Variants in LRMDA observed in about 807,000 individuals in gnomAD.
LRMDA encodes the protein leucine-rich melanocyte differentiation-associated protein.
In LRMDA, 18 loss-of-function variants were observed where a neutral mutation model predicts 29.8. That is an observed-to-expected ratio of 0.60 (90% CI 0.42 to 0.90). The LOEUF (loss-of-function observed/expected upper bound fraction) is 0.90, where lower values mean the gene tolerates loss of function less well. Among genes scored for constraint, LRMDA ranks in the 40% least tolerant of loss-of-function variants. The probability of loss-of-function intolerance (pLI) is 0.00; values close to 1 mark genes in which losing one functional copy is unlikely to be tolerated. For missense variants in LRMDA, 273 were observed against 273.9 expected (o/e 1.00, Z 0.02); for synonymous variants, 125 against 109.4 (o/e 1.14, Z -0.89).
intron 6 of LRMDA, among the ~76,000 whole-genome samples, chr10:76,547,463 G>T (rs1843434811): frequency 6.6e-6 from 1 of 152,102 alleles, no homozygotes. Context: ...GCACAGTGTG[G>T]CTATAATGGC....
intron 2 of LRMDA, among the ~76,000 whole-genome samples, chr10:75,940,623 C>T (rs1846373932): frequency 6.6e-6 from 1 of 152,108 alleles, no homozygotes; most frequent in East Asian, 1.9e-4. Context: ...ATCGCCACTC[C>T]TTGCCTGTGA....
At chr10:75,643,026 G>A (rs1317172500) in intron 2 of LRMDA, 1 of 152,120 alleles carries the variant, frequency 6.6e-6, no homozygotes, top group East Asian at 1.9e-4. Flanking sequence ...TAAGGGCTGG[G>A]ATTATCTGAA....
chr10:76,342,914 C>T (rs554228605), intron 6 of LRMDA, among the ~76,000 whole-genome samples: 3 of 150,360 alleles, frequency 2.0e-5, no homozygotes, highest in East Asian at 1.9e-4. Flanking sequence ...TTTTACCAAA[C>T]ATTAGAAGAG....
At chr10:76,156,572 A>T (rs1015150589) in intron 5 of LRMDA, among the ~76,000 whole-genome samples, 1 of 151,806 alleles carries the variant, frequency 6.6e-6, no homozygotes, top group South Asian at 2.1e-4. Flanking sequence ...TGAAAAAAAA[A>T]ATATGGGCTT....
At chr10:76,339,909 C>T (rs1841016413) in intron 6 of LRMDA, among the ~76,000 whole-genome samples, 1 of 151,730 alleles carries the variant, frequency 6.6e-6, no homozygotes, top group African/African-American at 2.4e-5. Flanking sequence ...TAATTTATTC[C>T]AGAAAATAAA....
intron 2 of LRMDA, among the ~76,000 whole-genome samples, chr10:75,999,975 C>T (rs2132467857): frequency 6.6e-6 from 1 of 152,286 alleles, no homozygotes; most frequent in East Asian, 1.9e-4. Context: ...ATTCCTGACA[C>T]TTGCTAACCT....
At chr10:76,367,349 T>G (rs1030144700) in intron 6 of LRMDA, among the ~76,000 whole-genome samples, 2 of 152,186 alleles carry the variant, frequency 1.3e-5, no homozygotes. Flanking sequence ...TATTTGAATG[T>G]CTGGTAGAAT....
At chr10:75,538,900 T>C (rs1294976209) in intron 2 of LRMDA, among the ~76,000 whole-genome samples, 1 of 152,226 alleles carries the variant, frequency 6.6e-6, no homozygotes, top group Non-Finnish European at 1.5e-5. Flanking sequence ...CAGTACTGAA[T>C]GCCAAATTTT....
chr10:75,489,008 C>G (rs1165483564), intron 2 of LRMDA, among the ~76,000 whole-genome samples: 2 of 152,116 alleles, frequency 1.3e-5, no homozygotes, highest in Non-Finnish European at 2.9e-5. Flanking sequence ...ACATGAGTCC[C>G]TCTATGACCT....
intron 2 of LRMDA, among the ~76,000 whole-genome samples, chr10:75,811,341 T>C (rs1023369113): frequency 1.3e-5 from 2 of 151,950 alleles, no homozygotes; most frequent in Non-Finnish European, 2.9e-5. Context: ...CATAGCAACA[T>C]CTTGCAGATG....
chr10:76,304,750 G>A (rs1564717400), intron 5 of LRMDA, among the ~76,000 whole-genome samples: 1 of 152,242 alleles, frequency 6.6e-6, no homozygotes, highest in Non-Finnish European at 1.5e-5. Flanking sequence ...CCCTCAAGGA[G>A]CAAAGTGTCT....
chr10:76,446,693 C>G (rs777317435), intron 6 of LRMDA, among the ~76,000 whole-genome samples: 8 of 152,040 alleles, frequency 5.3e-5, no homozygotes, highest in Non-Finnish European at 1.2e-4. Context: ...TCCTGCAGTC[C>G]ACTTGGTGAC....
At chr10:76,098,397 A>G (rs1021269423) in intron 5 of LRMDA, among the ~76,000 whole-genome samples, 1 of 152,174 alleles carries the variant, frequency 6.6e-6, no homozygotes, top group Non-Finnish European at 1.5e-5. Flanking sequence ...CAGATTATCT[A>G]TTTCCTTTTA....
chr10:76,441,080 C>A (rs1842297400), intron 6 of LRMDA, among the ~76,000 whole-genome samples: 1 of 152,112 alleles, frequency 6.6e-6, no homozygotes, highest in African/African-American at 2.4e-5. Context: ...TTCCTTCCAT[C>A]AACACCTTCT....
chr10:76,348,589 A>G (rs1310033116), intron 6 of LRMDA, among the ~76,000 whole-genome samples: 2 of 152,210 alleles, frequency 1.3e-5, no homozygotes, highest in African/African-American at 2.4e-5. Flanking sequence ...CCTTTCCACC[A>G]TGTGGTTTAG....
chr10:76,203,857 C>G (rs1189330980), intron 5 of LRMDA, among the ~76,000 whole-genome samples: 2 of 141,632 alleles, frequency 1.4e-5, no homozygotes, highest in Non-Finnish European at 3.0e-5. Context: ...ACCCATTTCT[C>G]CATGTTCCCA....
chr10:75,871,224 A>G (rs926664099), intron 2 of LRMDA, among the ~76,000 whole-genome samples: 1 of 152,086 alleles, frequency 6.6e-6, no homozygotes, highest in Non-Finnish European at 1.5e-5. Flanking sequence ...GGTTTCAGTG[A>G]CAGCTCCCAT....
chr10:76,407,990 G>A (rs988902213), intron 6 of LRMDA, among the ~76,000 whole-genome samples: 1 of 152,140 alleles, frequency 6.6e-6, no homozygotes, highest in Admixed American at 6.5e-5. Flanking sequence ...TTACAGATGA[G>A]AGAGAACACA....
intron 5 of LRMDA, among the ~76,000 whole-genome samples, chr10:76,062,791 A>G (rs1848724359): frequency 6.6e-6 from 1 of 151,992 alleles, no homozygotes; most frequent in Non-Finnish European, 1.5e-5. Context: ...TGGCCATTGA[A>G]TCATGCCATT....
Sources: allele counts gnomAD v4.1 joint callset (sites outside exome capture counted in the v4.1 genomes callset), GRCh38; gene constraint gnomAD v4.1.1; transcripts MANE v1.5; gene names NCBI Gene and HGNC (gene_info 2026-07-23, HGNC 2026-07-21).